DYRK4: variants seen among roughly 807,000 people sequenced by gnomAD.
DYRK4 encodes the protein dual specificity tyrosine-phosphorylation-regulated kinase 4.
A neutral mutation model predicts 68.3 loss-of-function variants in DYRK4; 64 were observed. The ratio of observed to expected loss-of-function variants is 0.94; its 90% CI spans 0.77 to 1.15. The LOEUF (loss-of-function observed/expected upper bound fraction) is 1.15. Among genes scored for constraint, DYRK4 ranks in the 50% most tolerant of loss-of-function variants. DYRK4 has a pLI of 0.00. For missense variants in DYRK4, 740 were observed against 764.7 expected, an observed-to-expected ratio of 0.97 and a Z score of 0.38; for synonymous variants, 274 against 289.9, an observed-to-expected ratio of 0.95 and a Z score of 0.56.
chr12:4,571,179 G>A (rs1167153806), intron 2 of DYRK4, among the ~76,000 whole-genome samples: 1 of 152,132 alleles, frequency 6.6e-6, no homozygotes, highest in African/African-American at 2.4e-5. Flanking sequence ...TCCTAGGGAG[G>A]GAAGCTGTTA....
chr12:4,609,805 C>G (rs7972110), intron 12 of DYRK4: 149,096 of 157,402 alleles, frequency 0.95, 71,139 homozygotes, highest in East Asian at 1. Context: ...TGTCACTTAA[C>G]ATTTACTTTA....
At chr12:4,580,866 C>T (rs1416108727) in intron 2 of DYRK4, 1 of 455,850 alleles carries the variant, frequency 2.2e-6, no homozygotes, top group South Asian at 1.5e-5. Context: ...GGAAAATCGC[C>T]TGTGAAGTAT....
At chr12:4,602,391 C>G in intron 10 of DYRK4, 1 of 917,312 alleles carries the variant, frequency 1.1e-6, no homozygotes, top group Non-Finnish European at 1.8e-6. Context: ...TTCTTTCTGT[C>G]AAGGGGAAAG....
intron 8 of DYRK4, 140 bp from the exon 9 acceptor site, chr12:4,598,888 G>T: frequency 1.1e-6 from 1 of 878,282 alleles, no homozygotes; most frequent in East Asian, 2.4e-5. Context: ...AGTCTATAAG[G>T]GCATGAAAGC....
At chr12:4,568,680 C>T (rs557808095) in intron 2 of DYRK4, among the ~76,000 whole-genome samples, 3 of 152,370 alleles carry the variant, frequency 2.0e-5, no homozygotes, top group Non-Finnish European at 2.9e-5. Flanking sequence ...GCCACCACGC[C>T]TGGCCAAGAC....
At position 4,605,062 on chromosome 12, in the gene DYRK4, G is replaced by T; in HGVS notation, c.1275G>T (p.Val425=). The T allele has an allele frequency of 6.2e-7, 1 of 1,613,718 alleles. No homozygotes were observed. Among genetic ancestry groups the T allele is most frequent in the Non-Finnish European group, 8.5e-7 (1 of 1,179,786 alleles). Residue 425 remains valine, a synonymous_variant, in exon 11 of 15, where the codon GTG becomes GTT. Transcript: ENST00000543431. ...GYPLFPGENE[V]EQLACIMEVL... is the part of the protein sequence containing the mutation. ...CCCTGTTCCCCGGGGAGAATGAGGT[G>T]GAGCAGCTGGCCTGCATCATGGAGG...
chr12:4,596,108 G>A, intron 6 of DYRK4, 41 bp from the exon 7 acceptor site: 1 of 1,606,158 alleles, frequency 6.2e-7, no homozygotes, highest in Non-Finnish European at 8.5e-7. Context: ...AGGCCTGGGA[G>A]CCCATGGCTT....
At chr12:4,603,551 C>G (rs993989856) in intron 10 of DYRK4, 1 of 197,878 alleles carries the variant, frequency 5.1e-6, no homozygotes, top group East Asian at 1.2e-4. Flanking sequence ...TCCTCTCCTC[C>G]GCTTTCTAAG....
chr12:4,592,969 A>G (rs1378831323), intron 5 of DYRK4, 33 bp from the exon 6 acceptor site: 30 of 1,601,082 alleles, frequency 1.9e-5, no homozygotes, highest in Non-Finnish European at 2.6e-5. Context: ...TGCTGCCTCA[A>G]CTGAACTCAC....
intron 13 of DYRK4, 130 bp downstream of exon 13, chr12:4,610,414 T>C: frequency 1.0e-6 from 1 of 976,708 alleles, no homozygotes; most frequent in Non-Finnish European, 1.4e-6. Flanking sequence ...CAATAGAGCT[T>C]TAAAGTCTAC....
chr12:4,605,071 G>A lies in DYRK4; in HGVS notation c.1284G>A (p.Leu428=). ...CCGGGGAGAATGAGGTGGAGCAGCT[G>A]GCCTGCATCATGGAGGTACGCGGAG... The part of the protein sequence containing the change: ...LFPGENEVEQ[L]ACIMEVLGLP... The change falls in exon 11 of 15, where the codon CTG becomes CTA. Residue 428 remains leucine, a synonymous_variant. Transcript: ENST00000543431. 1 of 1,612,972 alleles carries A rather than the reference G, an allele frequency of 6.2e-7. No homozygotes were observed. Among genetic ancestry groups the A allele is most frequent in the Non-Finnish European group, 8.5e-7 (1 of 1,179,458 alleles).
In DYRK4 at chr12:4,562,224, G is replaced by T; in HGVS notation, c.-22G>T. The T allele has an allele frequency of 6.6e-7, 1 of 1,524,194 alleles. No homozygotes were observed. 94.4% of individuals were successfully genotyped at this position (1,524,194 alleles called of 1,614,324 possible). On this transcript the variant is annotated 5_prime_UTR_variant, in exon 1 of 15. Coordinates refer to ENST00000543431, the MANE Select transcript of DYRK4 (RefSeq NM_001394779.1). ...CGGGCTCTCACAGCCTCCCGCAGCG[G>T]CGGGCGGTCAGCGCCGGCCTCATGC...
At chr12:4,568,675 C>T (rs1382454114) in intron 2 of DYRK4, among the ~76,000 whole-genome samples, 1 of 152,204 alleles carries the variant, frequency 6.6e-6, no homozygotes, top group Non-Finnish European at 1.5e-5. Flanking sequence ...CGTGAGCCAC[C>T]ACGCCTGGCC....
intron 10 of DYRK4, among the ~76,000 whole-genome samples, chr12:4,604,464 A>C (rs1945116888): frequency 6.6e-6 from 1 of 152,136 alleles, no homozygotes; most frequent in Admixed American, 6.5e-5. Flanking sequence ...CTATACAATA[A>C]GTGCACATGC....
At chr12:4,568,129 G>A in intron 2 of DYRK4, 81 bp downstream of exon 2, 3 of 1,308,692 alleles carry the variant, frequency 2.3e-6, no homozygotes, top group Admixed American at 2.0e-5. Flanking sequence ...GCTGATGGTT[G>A]TGCCCCAAGC....
chr12:4,613,717 C>A lies in DYRK4; in HGVS notation c.1869C>A (p.Ser623=). ...CCCCAGGACAGAGCAAAAACTTCTC[C>A]CTCAAGAACACAAACGTTTTACCCC... ...MTSPGQSKNF[S]LKNTNVLPPI... The change falls in exon 15 of 15, where the codon TCC becomes TCA. Residue 623 remains serine (S), a synonymous_variant. Coordinates refer to ENST00000543431, the MANE Select transcript of DYRK4 (RefSeq NM_001394779.1). The surrounding 1 kb of genome is among the most constrained non-coding windows in gnomAD (Gnocchi z 4.0). The A allele has an allele frequency of 1.3e-6, 2 of 1,581,272 alleles. No homozygotes were observed. Among genetic ancestry groups the A allele is most frequent in the Non-Finnish European group, 1.7e-6 (2 of 1,156,180 alleles).
In DYRK4 at chr12:4,578,446, T is replaced by C. The variant is rs74060044; in HGVS notation, c.132+10398T>C. On this transcript the variant is annotated intron_variant, in intron 2 of 14. Transcript: ENST00000543431. ...TGTTATATTTTTTAGTTTTGAAAAT[T>C]CTAATTTGTTCATTTTTAAATCTGT... 9.0e-3 allele frequency among the ~76,000 whole-genome samples: 1,366 copies of C among 152,324 alleles called. 25 individuals carry two copies. Among genetic ancestry groups the C allele is most frequent in the African/African-American group, 0.031 (1,291 of 41,572 alleles).
intron 3 of DYRK4, 127 bp downstream of exon 3, chr12:4,589,144 C>CT (rs1351837825): frequency 6.8e-6 from 5 of 734,892 alleles, no homozygotes; most frequent in Non-Finnish European, 8.8e-6. Flanking sequence ...TGACAGCACT[C>CT]TATCCACGTC....
chr12:4,603,742 G>C (rs559517733), intron 10 of DYRK4, among the ~76,000 whole-genome samples: 1 of 152,344 alleles, frequency 6.6e-6, no homozygotes, highest in South Asian at 2.1e-4. Context: ...CAGCTAAAAA[G>C]TAATGCTTCC....
Sources: gnomAD v4.1 joint callset for allele counts (sites outside exome capture counted in the v4.1 genomes callset) on GRCh38, gnomAD v4.1.1 for gene constraint, Gnocchi (gnomAD v3.1) non-coding constraint, MANE v1.5 for transcripts, NCBI Gene and HGNC (gene_info 2026-07-23, HGNC 2026-07-21) for gene names.